The following CACNA1B variants were observed in gnomAD, a reference collection of about 807,000 sequenced individuals.
The protein encoded by CACNA1B is voltage-dependent N-type calcium channel subunit alpha-1B.
In CACNA1B, 70 loss-of-function variants were observed where a neutral mutation model predicts 247.2. The ratio of observed to expected loss-of-function variants is 0.28; its 90% CI spans 0.23 to 0.35. The LOEUF (loss-of-function observed/expected upper bound fraction) is 0.35, where lower values mean the gene tolerates loss of function less well. Among genes scored for constraint, CACNA1B ranks in the 10% least tolerant of loss-of-function variants. The probability of loss-of-function intolerance (pLI) is 1.00; values close to 1 mark genes in which losing one functional copy is unlikely to be tolerated. For missense variants in CACNA1B, 2,367 were observed against 3,197.4 expected (o/e 0.74, Z 6.26); for synonymous variants, 1,231 against 1,294.4 (o/e 0.95, Z 1.05).
Position 138,102,623 on chromosome 9 carries a change from C to T in CACNA1B, c.5223-88C>T. ...CTTGTCTGCTTCCTCCCTGCCCCTA[C>T]CCCGCTCCCCTCCCCGCTCCCCTCC... On this transcript the variant is annotated intron_variant, in intron 37 of 46. Coordinates refer to ENST00000371372, the MANE Select transcript of CACNA1B (RefSeq NM_000718.4). This position sits in a 1 kb window ranked among gnomAD's most constrained non-coding sequence, Gnocchi z 5.4. The T allele has an allele frequency of 1.8e-6, 1 of 552,048 alleles. No homozygotes were observed. Among genetic ancestry groups the T allele is most frequent in the Non-Finnish European group, 3.3e-6 (1 of 303,312 alleles). The allele number at this position is 552,048 out of a possible 1,614,324, so 34.2% of individuals were successfully genotyped here. A position where few individuals can be genotyped will look rare whatever the true frequency, so the allele number is the denominator to read the frequency against.
At chr9:137,956,128 C>T (rs568462978) in intron 8 of CACNA1B, among the ~76,000 whole-genome samples, 1 of 152,270 alleles carries the variant, frequency 6.6e-6, no homozygotes, top group African/African-American at 2.4e-5. Context: ...CCTGGACTCC[C>T]TCCCCTCGCC....
chr9:138,004,942 C>G (rs946883635), intron 15 of CACNA1B, among the ~76,000 whole-genome samples: 2 of 152,216 alleles, frequency 1.3e-5, no homozygotes, highest in Non-Finnish European at 2.9e-5. Flanking sequence ...GAGGTATCGT[C>G]TCACCCATTT....
At position 138,102,643 on chromosome 9, in the gene CACNA1B, C is replaced by G. The variant is rs1263909232; in HGVS notation, c.5223-68C>G. ...CCCTACCCCGCTCCCCTCCCCGCTCCCCTCCTGCTGCCGCTCCTCCTGTGG... is the reference window on the plus strand; with the variant it reads ...CCCTACCCCGCTCCCCTCCCCGCTCGCCTCCTGCTGCCGCTCCTCCTGTGG... On this transcript the variant is annotated intron_variant, in intron 37 of 46. Transcript: ENST00000371372. The surrounding 1 kb of genome is among the most constrained non-coding windows in gnomAD (Gnocchi z 5.4). 1.4e-5 allele frequency: 11 copies of G among 805,394 alleles called. No individual in the cohort carries two copies. The highest frequency in any genetic ancestry group is 2.2e-5 in the Non-Finnish European group (11 of 492,386). 49.9% of individuals were successfully genotyped at this position (805,394 alleles called of 1,614,324 possible). A position where few individuals can be genotyped will look rare whatever the true frequency, so the allele number is the denominator to read the frequency against.
At chr9:137,947,274 A>G (rs955709562) in intron 6 of CACNA1B, among the ~76,000 whole-genome samples, 8 of 151,952 alleles carry the variant, frequency 5.3e-5, no homozygotes, top group African/African-American at 1.9e-4. Context: ...GGTACTTTCC[A>G]TTTTTTCATC....
In CACNA1B at chr9:138,052,104, G is replaced by A; in HGVS notation, c.3723G>A (p.Gly1241=). ...LVAFAFSGSK[G]KDINTIKSLR... Reference sequence around the variant, plus strand: ...TTCTCCCTTCTAGAGGATCCAAAGGGAAAGACATCAATACCATCAAGTCTC... The same window carrying A: ...TTCTCCCTTCTAGAGGATCCAAAGGAAAAGACATCAATACCATCAAGTCTC... Residue 1241 remains glycine (G), a synonymous_variant, in exon 25 of 47, where the codon GGG becomes GGA. Transcript: ENST00000371372. This position sits in a 1 kb window ranked among gnomAD's most constrained non-coding sequence, Gnocchi z 5.1. The A allele has an allele frequency of 6.2e-7, 1 of 1,606,860 alleles. No homozygotes were observed. Among genetic ancestry groups the A allele is most frequent in the Non-Finnish European group, 8.5e-7 (1 of 1,173,848 alleles).
chr9:137,975,390 C>T (rs1958207460), intron 11 of CACNA1B, among the ~76,000 whole-genome samples: 1 of 152,120 alleles, frequency 6.6e-6, no homozygotes, highest in African/African-American at 2.4e-5. Context: ...GTGCCGTGGA[C>T]ATTGTGGGGA....
At chr9:138,064,990 C>T (rs772633246) in intron 31 of CACNA1B, among the ~76,000 whole-genome samples, 4 of 152,206 alleles carry the variant, frequency 2.6e-5, no homozygotes, top group African/African-American at 4.8e-5. Flanking sequence ...CTCTCTGAGC[C>T]TTTTGGTCCT....
chr9:138,117,343 G>A (rs930404829), intron 42 of CACNA1B, among the ~76,000 whole-genome samples: 2 of 152,078 alleles, frequency 1.3e-5, no homozygotes, highest in African/African-American at 4.8e-5. Flanking sequence ...GAGGGAGGAA[G>A]CCCCTAGAGG....
In CACNA1B at chr9:137,919,244, T is replaced by C. The variant is rs542605207; in HGVS notation, c.966+1813T>C. Among the ~76,000 whole-genome samples the C allele has an allele frequency of 6.6e-6, 1 of 152,358 alleles. No homozygotes were observed. Among genetic ancestry groups the C allele is most frequent in the South Asian group, 2.1e-4 (1 of 4,822 alleles). ...AGGACCCAGTGAGTGCTGGCTCCGC[T>C]TACACAGTGGTGAGCAGAGGCATTC... On this transcript the variant is annotated intron_variant, in intron 6 of 46. Coordinates refer to ENST00000371372, the MANE Select transcript of CACNA1B (RefSeq NM_000718.4). This position sits in a 1 kb window ranked among gnomAD's most constrained non-coding sequence, Gnocchi z 4.6.
rs1959390734 is a variant in CACNA1B, at chr9:138,053,792, ACT to A, written c.3808-50_3808-49del. On this transcript the variant is annotated intron_variant, in intron 25 of 46. Transcript: ENST00000371372. ...CCCTACCCTTCCCCCTCATGGCCCC[ACT>A]CTCCCACCATGATTCCACCCCCTCA... 3 of 876,480 alleles carry A rather than the reference ACT, an allele frequency of 3.4e-6. No individual in the cohort carries two copies. The African/African-American group carries it at 1.1e-4, about 33-fold the overall frequency. The allele number at this position is 876,480 out of a possible 1,614,324, so 54.3% of individuals were successfully genotyped here.
chr9:137,912,162 C>T (rs1160413906), intron 3 of CACNA1B, among the ~76,000 whole-genome samples: 1 of 152,196 alleles, frequency 6.6e-6, no homozygotes, highest in East Asian at 1.9e-4. Flanking sequence ...GAGCCTAGAG[C>T]TCCAGGTCTG....
In CACNA1B at chr9:137,881,541, C is replaced by T. The variant is rs1343660068; in HGVS notation, c.391-1203C>T. 6.6e-6 allele frequency among the ~76,000 whole-genome samples: 1 copy of T among 152,172 alleles called. No individual in the cohort carries two copies. The highest frequency in any genetic ancestry group is 1.5e-5 in the Non-Finnish European group (1 of 68,018). ...GAACCCTCAGGGGAGGCCCTTGAAG[C>T]TGGTCTCCTCTCCCCACCCCTTCAC... On this transcript the variant is annotated intron_variant, in intron 2 of 46. Coordinates refer to ENST00000371372, the MANE Select transcript of CACNA1B (RefSeq NM_000718.4). The surrounding 1 kb of genome is among the most constrained non-coding windows in gnomAD (Gnocchi z 4.3).
intron 6 of CACNA1B, among the ~76,000 whole-genome samples, chr9:137,948,967 GGT>G (rs1957833663): frequency 1.4e-5 from 2 of 143,698 alleles, no homozygotes; most frequent in Admixed American, 1.4e-4. Flanking sequence ...GCATGTGTAT[GGT>G]GTGTGTCTGT....
At position 137,913,157 on chromosome 9, in the gene CACNA1B, C is replaced by G. The variant is rs774414912; in HGVS notation, c.531-23C>G. The G allele has an allele frequency of 7.5e-6, 12 of 1,603,514 alleles. No individual in the cohort carries two copies. Among genetic ancestry groups the G allele is most frequent in the Non-Finnish European group, 9.4e-6 (11 of 1,170,770 alleles). On this transcript the variant is annotated intron_variant, in intron 3 of 46. Transcript: ENST00000371372. This position sits in a 1 kb window ranked among gnomAD's most constrained non-coding sequence, Gnocchi z 5.2. ...GCTCAATGTGGAAACCTTTACTTCCCTTCTTCTCCTTGTTTCTGCCAGGAT... is the reference window on the plus strand; with the variant it reads ...GCTCAATGTGGAAACCTTTACTTCCGTTCTTCTCCTTGTTTCTGCCAGGAT...
At chr9:138,116,652 A>G (rs947659666) in intron 42 of CACNA1B, among the ~76,000 whole-genome samples, 31 of 152,196 alleles carry the variant, frequency 2.0e-4, no homozygotes, top group African/African-American at 6.8e-4. Flanking sequence ...AATCAATTAC[A>G]ACTCCAAGTC....
chr9:138,009,058 G>A (rs1049181114), intron 16 of CACNA1B, among the ~76,000 whole-genome samples: 1 of 152,238 alleles, frequency 6.6e-6, no homozygotes, highest in Non-Finnish European at 1.5e-5. Context: ...GGGCAGGGAG[G>A]TGAGAGTTCA....
In CACNA1B at chr9:138,059,359, A is replaced by G. The variant is rs1370318168; in HGVS notation, c.4584+170A>G. Among the ~76,000 whole-genome samples, 1 of 152,174 alleles carries G rather than the reference A, an allele frequency of 6.6e-6. No individual in the cohort carries two copies. Among genetic ancestry groups the G allele is most frequent in the Admixed American group, 6.5e-5 (1 of 15,286 alleles). On this transcript the variant is annotated intron_variant, in intron 30 of 46. Coordinates refer to ENST00000371372, the MANE Select transcript of CACNA1B (RefSeq NM_000718.4). This position sits in a 1 kb window ranked among gnomAD's most constrained non-coding sequence, Gnocchi z 4.2. ...AGGGGCTGTTCTGAGACTCTTGGCT[A>G]CATAAGCTCTGCCCCCAGCCTAGGT... is the stretch of plus-strand genomic sequence containing the variant.
Position 137,914,871 on chromosome 9 carries a change from C to T in CACNA1B, c.775+65C>T, listed in dbSNP as rs1957393545. The stretch of plus-strand genomic sequence containing the variant: ...CGGATGCGTTCATCCAGGAGATGGG[C>T]ACTGTTCTAGGTGCTAGAGGGGCCT... On this transcript the variant is annotated intron_variant, in intron 5 of 46. Transcript: ENST00000371372. The surrounding 1 kb of genome is among the most constrained non-coding windows in gnomAD (Gnocchi z 4.3). The T allele has an allele frequency of 6.3e-7, 1 of 1,580,886 alleles. No homozygotes were observed. The highest frequency in any genetic ancestry group is 1.3e-5 in the African/African-American group (1 of 74,554).
rs868238361 is a variant in CACNA1B, at chr9:137,967,592, G to T, written c.1334-3791G>T. On this transcript the variant is annotated intron_variant, in intron 10 of 46. Coordinates refer to ENST00000371372, the MANE Select transcript of CACNA1B (RefSeq NM_000718.4). Reference sequence around the variant, plus strand: ...CTGCTCTCCCCTGAAATGAATGGGGGTGTTGGTGGTGGCTGACTCTTCGAG... The same window carrying T: ...CTGCTCTCCCCTGAAATGAATGGGGTTGTTGGTGGTGGCTGACTCTTCGAG... Among the ~76,000 whole-genome samples the T allele has an allele frequency of 3.3e-5, 5 of 152,332 alleles. No homozygotes were observed. The South Asian group carries it at 1.0e-3, about 32-fold the overall frequency.
Sources: gnomAD v4.1 joint callset for allele counts (sites outside exome capture counted in the v4.1 genomes callset) on GRCh38, gnomAD v4.1.1 for gene constraint, Gnocchi (gnomAD v3.1) non-coding constraint, MANE v1.5 for transcripts, NCBI Gene and HGNC (gene_info 2026-07-23, HGNC 2026-07-21) for gene names.